The following PDGFD variants were observed in gnomAD, a reference collection of about 807,000 sequenced individuals.
PDGFD encodes the protein platelet derived growth factor D, also known as platelet-derived growth factor D.
PDGFD carries 30 observed loss-of-function variants against 44.7 expected under a neutral mutation model. That is an observed-to-expected ratio of 0.67 (90% confidence interval 0.50 to 0.91). PDGFD has a LOEUF of 0.91. Ranked by LOEUF, PDGFD falls within the 40% of genes least tolerant of loss-of-function variation. The pLI is 0.00. For missense variants in PDGFD, 445 were observed against 457.8 expected, an observed-to-expected ratio of 0.97 and a Z score of 0.25; for synonymous variants, 173 against 168.4, an observed-to-expected ratio of 1.03 and a Z score of -0.21.
At chr11:104,061,380 C>T (rs1435083668) in intron 1 of PDGFD, among the ~76,000 whole-genome samples, 1 of 151,990 alleles carries the variant, frequency 6.6e-6, no homozygotes, top group East Asian at 1.9e-4. Flanking sequence ...GATTTTGCAA[C>T]CCATATAACC....
At chr11:104,061,280 A>G (rs1325188910) in intron 1 of PDGFD, among the ~76,000 whole-genome samples, 2 of 152,190 alleles carry the variant, frequency 1.3e-5, no homozygotes, top group Non-Finnish European at 2.9e-5. Context: ...AAGGAAAAAA[A>G]AAAGTGTTAA....
chr11:104,036,956 T>G (rs775187792), intron 1 of PDGFD: 2 of 1,614,206 alleles, frequency 1.2e-6, no homozygotes, highest in Non-Finnish European at 8.5e-7. Context: ...GTCGAAGAGA[T>G]CCAGATCATC....
chr11:103,932,238 A>G (rs1376177272), intron 5 of PDGFD, among the ~76,000 whole-genome samples: 1 of 151,504 alleles, frequency 6.6e-6, no homozygotes, highest in East Asian at 1.9e-4. Flanking sequence ...GTTAATGGTG[A>G]GCACCCATAA....
intron 3 of PDGFD, among the ~76,000 whole-genome samples, chr11:103,970,752 T>G (rs1260944764): frequency 6.6e-6 from 1 of 152,052 alleles, no homozygotes; most frequent in Non-Finnish European, 1.5e-5. Flanking sequence ...TGCATCGCCA[T>G]GAAGGGAAAG....
intron 1 of PDGFD, among the ~76,000 whole-genome samples, chr11:104,099,281 A>G (rs1429995832): frequency 6.6e-6 from 1 of 152,216 alleles, no homozygotes; most frequent in Admixed American, 6.6e-5. Flanking sequence ...CAAAGTTTAG[A>G]TATCTATCCT....
chr11:104,136,230 G>T (rs1449664991), intron 1 of PDGFD, among the ~76,000 whole-genome samples: 1 of 152,202 alleles, frequency 6.6e-6, no homozygotes, highest in East Asian at 1.9e-4. Flanking sequence ...AGGCAAGAGA[G>T]TCAAGGCTAT....
intron 1 of PDGFD, among the ~76,000 whole-genome samples, chr11:104,043,468 G>A (rs115483302): frequency 2.6e-3 from 390 of 152,254 alleles, no homozygotes; most frequent in African/African-American, 9.1e-3. Flanking sequence ...GAAGCTTGTG[G>A]TCTGTTTCTG....
intron 1 of PDGFD, among the ~76,000 whole-genome samples, chr11:104,101,986 C>T (rs1387877226): frequency 6.6e-6 from 1 of 151,900 alleles, no homozygotes; most frequent in Non-Finnish European, 1.5e-5. Flanking sequence ...AGAAGAAAAC[C>T]TAGGCAATAC....
chr11:104,057,964 A>C (rs1860648816), intron 1 of PDGFD, among the ~76,000 whole-genome samples: 1 of 152,314 alleles, frequency 6.6e-6, no homozygotes, highest in South Asian at 2.1e-4. Flanking sequence ...GAGAATCCAT[A>C]AGCAAAAAAC....
Position 103,956,332 on chromosome 11 carries a change from G to C in PDGFD, c.511-8608C>G, listed in dbSNP as rs539903728. ...GCGGTGTTTGGTTTTTTGTCTTTGC[G>C]ATAGATTACTGAGAATGATGATTTC... On this transcript the variant is annotated intron_variant, in intron 3 of 6. Transcript: ENST00000393158. 5.3e-5 allele frequency among the ~76,000 whole-genome samples: 8 copies of C among 151,100 alleles called. 1 individual carries two copies. The highest frequency in any genetic ancestry group is 2.0e-4 in the African/African-American group (8 of 40,882).
At chr11:104,139,045 C>T (rs756602870) in intron 1 of PDGFD, among the ~76,000 whole-genome samples, 126 of 152,218 alleles carry the variant, frequency 8.3e-4, no homozygotes, top group Non-Finnish European at 1.2e-3. Flanking sequence ...TACAGGCATG[C>T]GCCACCATGC....
intron 1 of PDGFD, among the ~76,000 whole-genome samples, chr11:104,088,216 T>C (rs1401825384): frequency 6.6e-6 from 1 of 152,226 alleles, no homozygotes; most frequent in Non-Finnish European, 1.5e-5. Context: ...TGGTGGTTGC[T>C]GAGTATATTC....
At chr11:104,039,386 C>A (rs1565318217) in intron 1 of PDGFD, among the ~76,000 whole-genome samples, 1 of 152,014 alleles carries the variant, frequency 6.6e-6, no homozygotes. Context: ...TATAAAGCCA[C>A]ATAAAGCATT....
At chr11:104,048,924 T>C (rs1395034940) in intron 1 of PDGFD, among the ~76,000 whole-genome samples, 3 of 152,212 alleles carry the variant, frequency 2.0e-5, no homozygotes, top group Non-Finnish European at 4.4e-5. Context: ...CTAAGCATGT[T>C]ATATATGTTA....
intron 6 of PDGFD, among the ~76,000 whole-genome samples, chr11:103,915,469 C>T (rs1035343342): frequency 2.0e-5 from 3 of 152,182 alleles, no homozygotes; most frequent in Non-Finnish European, 2.9e-5. Context: ...AATGGAAAAA[C>T]ATTCCATGCT....
At chr11:104,087,719 A>G (rs894912457) in intron 1 of PDGFD, among the ~76,000 whole-genome samples, 3 of 152,190 alleles carry the variant, frequency 2.0e-5, no homozygotes, top group African/African-American at 4.8e-5. Context: ...AATTTCTGCA[A>G]TATTTTCCCT....
intron 1 of PDGFD, among the ~76,000 whole-genome samples, chr11:104,141,851 CT>C (rs1293291179): frequency 6.6e-6 from 1 of 152,148 alleles, no homozygotes; most frequent in Admixed American, 6.5e-5. Flanking sequence ...ACTGATACCC[CT>C]ATTTCGACAT....
Position 104,153,980 on chromosome 11 carries a change from C to T in PDGFD, c.124+9824G>A, listed in dbSNP as rs565482618. The stretch of plus-strand genomic sequence containing the variant: ...AGGAAGACCCAGCCAAGGAGACAGT[C>T]GAGGAAACAATAAACAAAGGGTATC... On this transcript the variant is annotated intron_variant, in intron 1 of 6. Transcript: ENST00000393158. Among the ~76,000 whole-genome samples the T allele has an allele frequency of 3.0e-4, 46 of 151,902 alleles. No homozygotes were observed. In the East Asian group the frequency reaches 3.7e-3, roughly 12 times the overall value.
At chr11:104,037,857 G>T in intron 1 of PDGFD, 1 of 1,614,146 alleles carries the variant, frequency 6.2e-7, no homozygotes, top group Non-Finnish European at 8.5e-7. Context: ...TCGATTTGAA[G>T]AAAAATGTGC....
Sources: allele counts gnomAD v4.1 joint callset (sites outside exome capture counted in the v4.1 genomes callset), GRCh38; gene constraint gnomAD v4.1.1; transcripts MANE v1.5; gene names NCBI Gene and HGNC (gene_info 2026-07-23, HGNC 2026-07-21).